PCDH11X: variants seen among roughly 807,000 people sequenced by gnomAD.
PCDH11X encodes protocadherin-11 X-linked.
Under a neutral mutation model 53.3 loss-of-function variants are expected in PCDH11X, and 18 were observed. That is an observed-to-expected ratio of 0.34 (90% CI 0.23 to 0.50). The LOEUF is 0.50. Ranked by LOEUF, PCDH11X falls within the 20% of genes least tolerant of loss-of-function variation. PCDH11X has a pLI of 0.98. For synonymous variants in PCDH11X, 279 were observed against 393.3 expected (o/e 0.71, Z 3.44); for missense variants, 570 against 1,032.4 (o/e 0.55, Z 6.14).
At chrX:91,893,638 T>A (rs1355560878) in intron 6 of PCDH11X, among the ~76,000 whole-genome samples, 3 of 111,038 alleles carry the variant, frequency 2.7e-5, no homozygotes, top group Non-Finnish European at 3.8e-5. Context: ...AGTACTGAGA[T>A]GAAATGTTCA....
chrX:92,415,117 T>G (rs2071780092), intron 9 of PCDH11X, among the ~76,000 whole-genome samples: 1 of 111,400 alleles, frequency 9.0e-6, no homozygotes, highest in Non-Finnish European at 1.9e-5. Context: ...AATTTCACCT[T>G]TTGTTTTTTT....
chrX:91,963,638 C>T lies in PCDH11X; in HGVS notation c.3033+84365C>T, dbSNP rs759050657. Among the ~76,000 whole-genome samples the T allele has an allele frequency of 2.6e-3, 291 of 111,483 alleles. 1 individual carries two copies. Among genetic ancestry groups the T allele is most frequent in the African/African-American group, 9.1e-3 (276 of 30,444 alleles). The stretch of plus-strand genomic sequence containing the variant: ...CTGTTACCCATTTCCAAAATCGCTT[C>T]CACATTTTCAGTTATTTTTACAGTA... On this transcript the variant is annotated intron_variant, in intron 6 of 10. Coordinates refer to ENST00000682573, the MANE Select transcript of PCDH11X (RefSeq NM_032968.5).
At chrX:92,135,062 G>T (rs967603546) in intron 6 of PCDH11X, among the ~76,000 whole-genome samples, 1 of 109,677 alleles carries the variant, frequency 9.1e-6, no homozygotes, top group African/African-American at 3.3e-5. Flanking sequence ...ACTATTTCTA[G>T]ATATTACAAA....
intron 6 of PCDH11X, among the ~76,000 whole-genome samples, chrX:92,198,775 A>G (rs2066341039): frequency 9.0e-6 from 1 of 111,143 alleles, no homozygotes; most frequent in South Asian, 3.7e-4. Context: ...TATTGCAAAA[A>G]CTTTATTATT....
At chrX:92,350,180 G>C (rs758380867) in intron 8 of PCDH11X, among the ~76,000 whole-genome samples, 2 of 108,958 alleles carry the variant, frequency 1.8e-5, no homozygotes, top group Admixed American at 2.0e-4. Context: ...CCTCTTTCTG[G>C]TGCCTCCATG....
intron 9 of PCDH11X, among the ~76,000 whole-genome samples, chrX:92,389,708 TA>T (rs2071084264): frequency 9.0e-6 from 1 of 111,086 alleles, no homozygotes. Flanking sequence ...TAATCCCAAT[TA>T]TATTTAGAAA....
chrX:92,265,081 T>G (rs1325675769), intron 8 of PCDH11X, among the ~76,000 whole-genome samples: 1 of 108,491 alleles, frequency 9.2e-6, no homozygotes, highest in Non-Finnish European at 1.9e-5. Context: ...TTTTTGGAGG[T>G]AGGGGATGGG....
chrX:92,604,051 C>T (rs1456849369), intron 10 of PCDH11X, among the ~76,000 whole-genome samples: 3 of 106,261 alleles, frequency 2.8e-5, no homozygotes, highest in Non-Finnish European at 5.8e-5. Context: ...AATTCATATA[C>T]AATAATAATA....
chrX:92,567,992 C>T (rs964409065), intron 10 of PCDH11X, among the ~76,000 whole-genome samples: 7 of 108,733 alleles, frequency 6.4e-5, no homozygotes, highest in Non-Finnish European at 1.3e-4. Context: ...TACATGTACC[C>T]CTGAACTTAA....
intron 6 of PCDH11X, among the ~76,000 whole-genome samples, chrX:92,142,735 G>C (rs142902769): frequency 9.1e-6 from 1 of 109,786 alleles, no homozygotes; most frequent in African/African-American, 3.3e-5. Context: ...TTTTTCTGCC[G>C]TGAACTACTG....
At chrX:91,962,915 T>A (rs2061810787) in intron 6 of PCDH11X, among the ~76,000 whole-genome samples, 1 of 110,684 alleles carries the variant, frequency 9.0e-6, no homozygotes, top group African/African-American at 3.3e-5. Context: ...CCCCTTTTAA[T>A]CATGGCTGGG....
At chrX:92,515,492 C>T (rs969170588) in intron 10 of PCDH11X, 37 of 368,305 alleles carry the variant, frequency 1.0e-4, no homozygotes, top group Non-Finnish European at 1.2e-4. Flanking sequence ...CCATGGACTC[C>T]GCCATTTCGC....
intron 6 of PCDH11X, among the ~76,000 whole-genome samples, chrX:92,021,687 C>A (rs1209430248): frequency 9.8e-6 from 1 of 102,130 alleles, no homozygotes; most frequent in Non-Finnish European, 2.0e-5. Flanking sequence ...TAAGATACTC[C>A]ATGAGAAGAT....
intron 9 of PCDH11X, among the ~76,000 whole-genome samples, chrX:92,389,933 T>C (rs1029003288): frequency 8.2e-5 from 9 of 109,532 alleles, no homozygotes; most frequent in African/African-American, 3.0e-4. Flanking sequence ...ATCTTGTTCA[T>C]ATTTACTCTA....
chrX:91,814,358 T>C (rs890274674), intron 4 of PCDH11X, among the ~76,000 whole-genome samples: 1 of 110,746 alleles, frequency 9.0e-6, no homozygotes, highest in African/African-American at 3.3e-5. Flanking sequence ...GGTTATAAAA[T>C]TTTGAAAAAA....
intron 6 of PCDH11X, among the ~76,000 whole-genome samples, chrX:92,173,356 A>G (rs1026161673): frequency 4.4e-4 from 49 of 111,993 alleles, no homozygotes; most frequent in Admixed American, 3.1e-3. Flanking sequence ...GTTTTTTAGA[A>G]TAAAGAAAAT....
At chrX:92,268,049 T>G (rs1002043634) in intron 8 of PCDH11X, among the ~76,000 whole-genome samples, 9 of 112,359 alleles carry the variant, frequency 8.0e-5, no homozygotes, top group African/African-American at 2.6e-4. Context: ...GGGAGACATA[T>G]TCAAACCATA....
intron 5 of PCDH11X, among the ~76,000 whole-genome samples, chrX:91,846,625 A>G (rs1385091389): frequency 9.0e-6 from 1 of 110,703 alleles, no homozygotes; most frequent in African/African-American, 3.3e-5. Flanking sequence ...CTCAAAAAAA[A>G]AAAAAAGAAA....
chrX:92,619,840 G>A lies in PCDH11X; in HGVS notation c.*900G>A, dbSNP rs1211041696. 4.6e-5 allele frequency: 5 copies of A among 107,651 alleles called. No individual in the cohort carries two copies. In the East Asian group the frequency reaches 1.2e-3, roughly 25 times the overall value. 8.9% of individuals were successfully genotyped at this position (107,651 alleles called of 1,213,427 possible). A position where few individuals can be genotyped will look rare whatever the true frequency, so the allele number is the denominator to read the frequency against. ...ACAGCCTAGAAAATTAAAAGGAGGT[G>A]GATGCATCCAAAGCACGAGTCACTT... On this transcript the variant is annotated 3_prime_UTR_variant, in exon 11 of 11. Coordinates refer to ENST00000682573, the MANE Select transcript of PCDH11X (RefSeq NM_032968.5).
Sources: allele counts gnomAD v4.1 joint callset (sites outside exome capture counted in the v4.1 genomes callset), GRCh38; gene constraint gnomAD v4.1.1; transcripts MANE v1.5; gene names NCBI Gene and HGNC (gene_info 2026-07-23, HGNC 2026-07-21).